The following RCAN2 variants were observed in gnomAD, a reference collection of about 807,000 sequenced individuals.
RCAN2 encodes the protein calcipressin-2.
In RCAN2, 9 loss-of-function variants were observed where a neutral mutation model predicts 23.6. The observed-to-expected ratio is 0.38, with a 90% confidence interval of 0.23 to 0.67. The LOEUF (loss-of-function observed/expected upper bound fraction) is 0.67, where lower values mean the gene tolerates loss of function less well. RCAN2 is among the 30% of genes least tolerant of loss of function. The probability of loss-of-function intolerance (pLI) is 0.51; values close to 1 mark genes in which losing one functional copy is unlikely to be tolerated. For missense variants in RCAN2, 273 were observed against 302.3 expected, an observed-to-expected ratio of 0.90 and a Z score of 0.72; for synonymous variants, 109 against 115.7, an observed-to-expected ratio of 0.94 and a Z score of 0.37.
intron 2 of RCAN2, among the ~76,000 whole-genome samples, chr6:46,403,612 T>C (rs1258482968): frequency 6.6e-6 from 1 of 151,832 alleles, no homozygotes; most frequent in African/African-American, 2.4e-5. Context: ...AGAGAGCTGT[T>C]AGTTGATTCT....
intron 2 of RCAN2, among the ~76,000 whole-genome samples, chr6:46,410,282 T>G (rs1766510415): frequency 6.6e-6 from 1 of 152,196 alleles, no homozygotes. Context: ...GGACTTAGCC[T>G]TCATCATTGC....
In RCAN2 at chr6:46,456,981, G is replaced by T; in HGVS notation, c.-2-3C>A. 1 of 1,545,048 alleles carries T rather than the reference G, an allele frequency of 6.5e-7. No individual in the cohort carries two copies. The highest frequency in any genetic ancestry group is 8.8e-7 in the Non-Finnish European group (1 of 1,142,104). ...GAAGTATGATTCTCCCCTCATTCCT[G>T]GGGATACAAAGATGAGCATGTGTTA... On this transcript the variant is annotated splice_polypyrimidine_tract_variant and splice_region_variant and intron_variant, in intron 1 of 4. Transcript: ENST00000371374.
chr6:46,359,913 C>T (rs993173976), intron 2 of RCAN2, among the ~76,000 whole-genome samples: 1 of 152,118 alleles, frequency 6.6e-6, no homozygotes, highest in Non-Finnish European at 1.5e-5. Flanking sequence ...AGGAACAAGA[C>T]CCAAGATTTG....
upstream of RCAN2, chr6:46,491,794 G>A (rs955846441): frequency 1.3e-5 from 2 of 152,414 alleles, no homozygotes; most frequent in African/African-American, 4.8e-5. Flanking sequence ...AGGGTGAGGG[G>A]GCAGCGACAG....
In RCAN2 at chr6:46,361,294, A is replaced by C. The variant is rs150065790; in HGVS notation, c.225+95458T>G. ...AATGAATGAGCTGAAACCTCTGTGC[A>C]CAAGAAGCCCAGCAGAGTAGCTAAA... On this transcript the variant is annotated intron_variant, in intron 2 of 4. Transcript: ENST00000371374. Among the ~76,000 whole-genome samples, 978 of 152,324 alleles carry C rather than the reference A, an allele frequency of 6.4e-3. 11 individuals are homozygous for C. The highest frequency in any genetic ancestry group is 0.044 in the Middle Eastern group (13 of 294).
At chr6:46,338,287 C>G (rs1027780265) in intron 2 of RCAN2, among the ~76,000 whole-genome samples, 3 of 152,150 alleles carry the variant, frequency 2.0e-5, no homozygotes, top group African/African-American at 7.2e-5. Flanking sequence ...AGGATACCAC[C>G]ACTGGAACCC....
chr6:46,315,717 A>T (rs1763411950), intron 2 of RCAN2, among the ~76,000 whole-genome samples: 1 of 152,072 alleles, frequency 6.6e-6, no homozygotes, highest in Admixed American at 6.6e-5. Flanking sequence ...GGGGTTCTAC[A>T]CTTGCTTTTT....
At chr6:46,313,602 C>A (rs1044762784) in intron 2 of RCAN2, among the ~76,000 whole-genome samples, 1 of 152,218 alleles carries the variant, frequency 6.6e-6, no homozygotes. Context: ...TTCCATTATA[C>A]CTTTATAACA....
At chr6:46,343,477 G>A (rs985638705) in intron 2 of RCAN2, among the ~76,000 whole-genome samples, 1 of 150,078 alleles carries the variant, frequency 6.7e-6, no homozygotes, top group Admixed American at 6.7e-5. Flanking sequence ...CCGGGTTCAT[G>A]CCATTCTCCT....
At chr6:46,326,798 C>T (rs1763808676) in intron 2 of RCAN2, among the ~76,000 whole-genome samples, 1 of 152,184 alleles carries the variant, frequency 6.6e-6, no homozygotes, top group Admixed American at 6.5e-5. Flanking sequence ...ATTTTACATG[C>T]AGATGAGAAA....
chr6:46,398,802 T>A (rs1766162736), intron 2 of RCAN2, among the ~76,000 whole-genome samples: 1 of 152,106 alleles, frequency 6.6e-6, no homozygotes, highest in African/African-American at 2.4e-5. Context: ...ATCAGTGATT[T>A]AACTTTAGCA....
chr6:46,432,639 C>T (rs906639132), intron 2 of RCAN2, among the ~76,000 whole-genome samples: 4 of 152,144 alleles, frequency 2.6e-5, no homozygotes, highest in African/African-American at 9.7e-5. Flanking sequence ...TACCAGCAGA[C>T]TTGGCCAACG....
intron 1 of RCAN2, among the ~76,000 whole-genome samples, chr6:46,458,151 T>C (rs541566548): frequency 7.2e-5 from 11 of 152,314 alleles, no homozygotes; most frequent in African/African-American, 1.7e-4. Context: ...AGTCCCATCA[T>C]CACAGATGCT....
rs7740845 is a variant in RCAN2, at chr6:46,315,587, G to A, written c.226-66691C>T. On this transcript the variant is annotated intron_variant, in intron 2 of 4. Transcript: ENST00000371374. The stretch of plus-strand genomic sequence containing the variant: ...AAAGGGGGAGAGGTGCAGAGGAGAT[G>A]AGGTCAGCAGGGCTGTTGGGGCAAG... 6.7e-3 allele frequency among the ~76,000 whole-genome samples: 1,016 copies of A among 152,240 alleles called. 9 individuals are homozygous for A. The highest frequency in any genetic ancestry group is 0.024 in the African/African-American group (984 of 41,528).
At chr6:46,323,585 A>T (rs555647547) in intron 2 of RCAN2, among the ~76,000 whole-genome samples, 1 of 152,324 alleles carries the variant, frequency 6.6e-6, no homozygotes, top group African/African-American at 2.4e-5. Flanking sequence ...AACCTACTGC[A>T]GTCAAAAGAA....
intron 4 of RCAN2, among the ~76,000 whole-genome samples, chr6:46,239,538 T>C (rs1481759940): frequency 6.6e-6 from 1 of 152,228 alleles, no homozygotes; most frequent in Admixed American, 6.5e-5. Flanking sequence ...AAACTGACAT[T>C]CTGCCTCAGT....
chr6:46,268,958 T>C (rs1767433917), intron 2 of RCAN2, among the ~76,000 whole-genome samples: 1 of 152,236 alleles, frequency 6.6e-6, no homozygotes, highest in Non-Finnish European at 1.5e-5. Flanking sequence ...TTGTTACATA[T>C]TGAAGCTTTT....
At chr6:46,242,468 G>GAC (rs1213831771) in intron 4 of RCAN2, among the ~76,000 whole-genome samples, 1 of 152,186 alleles carries the variant, frequency 6.6e-6, no homozygotes, top group Non-Finnish European at 1.5e-5. Flanking sequence ...TCTTTAGACT[G>GAC]ACTTTTTCCC....
intron 1 of RCAN2, among the ~76,000 whole-genome samples, chr6:46,478,771 A>C (rs1768780170): frequency 6.6e-6 from 1 of 152,240 alleles, no homozygotes; most frequent in Non-Finnish European, 1.5e-5. Flanking sequence ...TAATGTAGTC[A>C]TTTTGGACAG....
Sources: allele counts gnomAD v4.1 joint callset (sites outside exome capture counted in the v4.1 genomes callset), GRCh38; gene constraint gnomAD v4.1.1; transcripts MANE v1.5; gene names NCBI Gene and HGNC (gene_info 2026-07-23, HGNC 2026-07-21).